FBXL13: variants seen among roughly 807,000 people sequenced by gnomAD.
The protein encoded by FBXL13 is F-box and leucine-rich repeat protein 13.
Under a neutral mutation model 83.6 loss-of-function variants are expected in FBXL13, and 67 were observed. The observed-to-expected ratio is 0.80, with a 90% CI of 0.66 to 0.98. FBXL13 has a LOEUF of 0.98. Ranked by LOEUF, FBXL13 falls within the 50% of genes least tolerant of loss-of-function variation. The pLI, the probability that FBXL13 is intolerant of heterozygous loss-of-function variation, is 0.00. For missense variants in FBXL13, 822 were observed against 866.5 expected, an observed-to-expected ratio of 0.95 and a Z score of 0.64; for synonymous variants, 272 against 299.5, an observed-to-expected ratio of 0.91 and a Z score of 0.95.
chr7:102,922,768 C>A (rs184488524), intron 10 of FBXL13, among the ~76,000 whole-genome samples: 1 of 151,746 alleles, frequency 6.6e-6, no homozygotes, highest in Non-Finnish European at 1.5e-5. Context: ...GTCAGGAGAT[C>A]GAGACCATCC....
At chr7:102,877,529 A>G (rs1413181902) in exon 16 of FBXL13, 1 of 1,611,420 alleles carries the variant, frequency 6.2e-7, no homozygotes. Context: ...TTTACAATAT[A>G]TCCAATTCCT....
At chr7:102,819,838 G>T (rs1351508029) in intron 19 of FBXL13, among the ~76,000 whole-genome samples, 1 of 152,098 alleles carries the variant, frequency 6.6e-6, no homozygotes, top group African/African-American at 2.4e-5. Flanking sequence ...AGTTTTGAAG[G>T]GTCTACATAC....
At chr7:102,950,684 G>T (rs1823263495) in intron 8 of FBXL13, among the ~76,000 whole-genome samples, 1 of 152,078 alleles carries the variant, frequency 6.6e-6, no homozygotes, top group Non-Finnish European at 1.5e-5. Context: ...TTAAAAAAAT[G>T]ATTTATCAAG....
chr7:102,968,658 A>T (rs1489664910), intron 6 of FBXL13, among the ~76,000 whole-genome samples: 1 of 152,250 alleles, frequency 6.6e-6, no homozygotes. Context: ...AGTAAATGCT[A>T]AAAGAAACAT....
chr7:102,850,534 TTGAAAGCC>T (rs1805040624), intron 17 of FBXL13, among the ~76,000 whole-genome samples: 1 of 152,226 alleles, frequency 6.6e-6, no homozygotes, highest in Admixed American at 6.5e-5. Flanking sequence ...CAAAGATCTT[TTGAAAGCC>T]TGACTATATC....
intron 11 of FBXL13, among the ~76,000 whole-genome samples, chr7:102,900,895 T>G (rs2129464940): frequency 6.6e-6 from 1 of 152,352 alleles, no homozygotes; most frequent in East Asian, 1.9e-4. Flanking sequence ...AATACTAACT[T>G]CATTGTGTTT....
intron 6 of FBXL13, among the ~76,000 whole-genome samples, chr7:103,001,329 G>A (rs1247150859): frequency 2.0e-5 from 3 of 152,040 alleles, no homozygotes; most frequent in African/African-American, 7.3e-5. Flanking sequence ...GTTTCTTGTA[G>A]GCAGTATATA....
At chr7:102,948,105 C>G (rs568349398) in intron 8 of FBXL13, among the ~76,000 whole-genome samples, 1 of 151,664 alleles carries the variant, frequency 6.6e-6, no homozygotes, top group African/African-American at 2.4e-5. Context: ...CCTCTGTCAC[C>G]CAGGCAGGAG....
intron 6 of FBXL13, among the ~76,000 whole-genome samples, chr7:103,003,278 GTTTTTT>G (rs563726626): frequency 3.6e-3 from 276 of 75,902 alleles, no homozygotes; most frequent in Middle Eastern, 9.4e-3. Context: ...TTGTTTTGGG[GTTTTTT>G]TTTTTTTTTT....
intron 17 of FBXL13, among the ~76,000 whole-genome samples, chr7:102,836,878 G>A (rs1802083774): frequency 6.6e-6 from 1 of 152,152 alleles, no homozygotes; most frequent in Admixed American, 6.5e-5. Flanking sequence ...AGCTCACTTC[G>A]TGTTGCATAC....
chr7:102,949,080 T>C (rs749527024), intron 8 of FBXL13, among the ~76,000 whole-genome samples: 17 of 152,160 alleles, frequency 1.1e-4, no homozygotes, highest in Non-Finnish European at 2.2e-4. Context: ...ATTACAACTG[T>C]TGTGTTCAAT....
At chr7:102,902,533 C>G (rs1451051403) in intron 11 of FBXL13, among the ~76,000 whole-genome samples, 1 of 152,104 alleles carries the variant, frequency 6.6e-6, no homozygotes, top group Non-Finnish European at 1.5e-5. Flanking sequence ...GAGATTTTCT[C>G]CAATGTTCTC....
chr7:103,073,468 C>G (rs1346719578), intron 1 of FBXL13, among the ~76,000 whole-genome samples: 3 of 147,092 alleles, frequency 2.0e-5, no homozygotes, highest in East Asian at 4.0e-4. Flanking sequence ...GGGTGGCAGA[C>G]CAACACCCCG....
intron 6 of FBXL13, among the ~76,000 whole-genome samples, chr7:102,980,577 A>C (rs1276889898): frequency 1.3e-5 from 2 of 152,202 alleles, no homozygotes; most frequent in Non-Finnish European, 2.9e-5. Context: ...GGAGATTGAG[A>C]CCATCTTGGC....
At chr7:102,872,717 GGAAT>G (rs1223269247) in intron 16 of FBXL13, among the ~76,000 whole-genome samples, 1 of 152,142 alleles carries the variant, frequency 6.6e-6, no homozygotes, top group African/African-American at 2.4e-5. Context: ...GAGCAGGAAG[GGAAT>G]GAATAATAGC....
intron 8 of FBXL13, chr7:102,934,405 CT>C (rs776430132): frequency 1.2e-6 from 2 of 1,614,078 alleles, no homozygotes; most frequent in Non-Finnish European, 1.7e-6. Context: ...ATGACAACCC[CT>C]GGCACTGTAC....
rs558878411 is a variant in FBXL13, at chr7:103,065,864, G to C, written c.-105+8382C>G. Among the ~76,000 whole-genome samples, 27 of 152,370 alleles carry C rather than the reference G, an allele frequency of 1.8e-4. 1 individual carries two copies. Among genetic ancestry groups the C allele is most frequent in the Admixed American group, 1.7e-3 (26 of 15,302 alleles). On this transcript the variant is annotated intron_variant, in intron 1 of 19. Transcript: ENST00000313221. ...TCACACTAGTGAGCAGACGCCCCCT[G>C]CTGGGGTGCCAATGGGCTGAGGCTG...
intron 10 of FBXL13, among the ~76,000 whole-genome samples, chr7:102,914,835 A>T (rs1815507702): frequency 6.6e-6 from 1 of 152,148 alleles, no homozygotes; most frequent in Admixed American, 6.6e-5. Flanking sequence ...GAGCTGTGCT[A>T]AAGTTTTGGA....
At chr7:102,812,355 A>G (rs577913053), downstream of FBXL13, among the ~76,000 whole-genome samples, 31 of 152,332 alleles carry the variant, frequency 2.0e-4, no homozygotes, top group East Asian at 7.7e-4. Context: ...TTGGCATAGC[A>G]TAGTTTAAGA....
Sources: allele counts gnomAD v4.1 joint callset (sites outside exome capture counted in the v4.1 genomes callset), GRCh38; gene constraint gnomAD v4.1.1; transcripts MANE v1.5; gene names NCBI Gene and HGNC (gene_info 2026-07-23, HGNC 2026-07-21).